Variants in MAP4K3 observed in about 807,000 individuals in gnomAD.
MAP4K3 encodes the protein mitogen-activated protein kinase kinase kinase kinase 3.
MAP4K3 carries 94 observed loss-of-function variants against 143.5 expected under a neutral mutation model. The observed-to-expected ratio is 0.65, with a 90% CI of 0.55 to 0.78. The LOEUF (loss-of-function observed/expected upper bound fraction) is 0.78. Among genes scored for constraint, MAP4K3 ranks in the 30% least tolerant of loss-of-function variants. MAP4K3 has a pLI of 0.00. For synonymous variants in MAP4K3, 416 were observed against 347.2 expected (o/e 1.20, Z -2.20); for missense variants, 1,077 against 1,068.1 (o/e 1.01, Z -0.12).
chr2:39,348,930 T>A (rs1665372899), intron 3 of MAP4K3, among the ~76,000 whole-genome samples: 1 of 152,136 alleles, frequency 6.6e-6, no homozygotes, highest in Non-Finnish European at 1.5e-5. Flanking sequence ...TAAGTATAAT[T>A]ATTTATATAT....
intron 24 of MAP4K3, among the ~76,000 whole-genome samples, chr2:39,277,792 C>G (rs190230577): frequency 4.4e-4 from 67 of 151,572 alleles, no homozygotes; most frequent in African/African-American, 1.5e-3. Flanking sequence ...TCTCGAACTC[C>G]TGACCTCAGG....
At chr2:39,319,804 T>G (rs551569993) in intron 12 of MAP4K3, among the ~76,000 whole-genome samples, 34 of 152,270 alleles carry the variant, frequency 2.2e-4, no homozygotes, top group Non-Finnish European at 4.1e-4. Flanking sequence ...TATGTAACCC[T>G]CTCTTGATTG....
At chr2:39,292,321 A>C (rs1682077166) in intron 18 of MAP4K3, among the ~76,000 whole-genome samples, 1 of 152,174 alleles carries the variant, frequency 6.6e-6, no homozygotes, top group Admixed American at 6.5e-5. Context: ...TTATATTTAG[A>C]GATGGGTTTT....
chr2:39,349,612 G>T (rs997928943), intron 3 of MAP4K3, among the ~76,000 whole-genome samples: 1 of 152,046 alleles, frequency 6.6e-6, no homozygotes, highest in African/African-American at 2.4e-5. Context: ...TAGTGAGAAG[G>T]CGGTTGGAGA....
At chr2:39,344,088 A>G (rs1230851617) in intron 3 of MAP4K3, among the ~76,000 whole-genome samples, 1 of 152,232 alleles carries the variant, frequency 6.6e-6, no homozygotes, top group African/African-American at 2.4e-5. Context: ...GAGATGGGAC[A>G]GAAAATCCCT....
chr2:39,305,733 G>T (rs1485533290), intron 15 of MAP4K3, among the ~76,000 whole-genome samples: 1 of 152,190 alleles, frequency 6.6e-6, no homozygotes, highest in Non-Finnish European at 1.5e-5. Flanking sequence ...GAGCAGGGAT[G>T]AAGGTGGGAG....
At chr2:39,293,886 A>C (rs574948243) in intron 16 of MAP4K3, 1 of 152,756 alleles carries the variant, frequency 6.5e-6, no homozygotes, top group African/African-American at 2.4e-5. Flanking sequence ...ACACATTTAC[A>C]CTTTTGGGAG....
intron 8 of MAP4K3, 72 bp downstream of exon 8, chr2:39,331,845 G>C: frequency 1.0e-6 from 1 of 1,001,106 alleles, no homozygotes; most frequent in Non-Finnish European, 1.4e-6. Context: ...ATTCTGACCA[G>C]TCTATTTTTT....
chr2:39,360,283 C>T (rs898469755), intron 2 of MAP4K3, among the ~76,000 whole-genome samples: 1 of 152,212 alleles, frequency 6.6e-6, no homozygotes, highest in African/African-American at 2.4e-5. Context: ...GGTTCCTCAT[C>T]TCCATCTGAC....
intron 1 of MAP4K3, among the ~76,000 whole-genome samples, chr2:39,414,784 G>A (rs1351722795): frequency 6.6e-6 from 1 of 152,004 alleles, no homozygotes; most frequent in East Asian, 1.9e-4. Flanking sequence ...TGCTGGGGCA[G>A]GAGAATCACT....
chr2:39,319,229 CTT>C (rs34371183), intron 12 of MAP4K3, among the ~76,000 whole-genome samples: 2 of 146,100 alleles, frequency 1.4e-5, no homozygotes, highest in Non-Finnish European at 3.0e-5. Flanking sequence ...CAATTACATA[CTT>C]TTTTTTTTTT....
chr2:39,325,371 C>A, intron 12 of MAP4K3, 147 bp downstream of exon 12: 1 of 485,648 alleles, frequency 2.1e-6, no homozygotes, highest in Non-Finnish European at 3.6e-6. Flanking sequence ...AAGGCAAAGA[C>A]AAAGAATTAA....
Position 39,267,363 on chromosome 2 carries a change from G to C in MAP4K3, c.1974-116C>G, listed in dbSNP as rs1573072442. Reference sequence around the variant, plus strand: ...GTTCAAAACTGGTGCTGACATACTAGCTCATCTATTAAAATTAGAATAAAA... The same window carrying C: ...GTTCAAAACTGGTGCTGACATACTACCTCATCTATTAAAATTAGAATAAAA... On this transcript the variant is annotated intron_variant, in intron 26 of 33. Coordinates refer to ENST00000263881, the MANE Select transcript of MAP4K3 (RefSeq NM_003618.4). The C allele has an allele frequency of 6.6e-6, 5 of 758,004 alleles. No homozygotes were observed. The East Asian group carries it at 1.3e-4, about 20-fold the overall frequency. The allele number at this position is 758,004 out of a possible 1,614,324, so 47.0% of individuals were successfully genotyped here.
chr2:39,338,234 C>A (rs1665035495), intron 4 of MAP4K3, among the ~76,000 whole-genome samples: 1 of 152,130 alleles, frequency 6.6e-6, no homozygotes, highest in Admixed American at 6.5e-5. Context: ...TCAATATCAT[C>A]TCTTAAACAT....
chr2:39,383,272 G>C (rs1666399728), intron 1 of MAP4K3, among the ~76,000 whole-genome samples: 2 of 152,110 alleles, frequency 1.3e-5, no homozygotes, highest in Admixed American at 1.3e-4. Flanking sequence ...AAGGCAAAAG[G>C]GGAAGCAAAC....
intron 31 of MAP4K3, among the ~76,000 whole-genome samples, chr2:39,257,626 C>T (rs1212431629): frequency 1.3e-5 from 2 of 151,706 alleles, no homozygotes; most frequent in Non-Finnish European, 2.9e-5. Flanking sequence ...TAGTGAAACC[C>T]CGTCTCTACT....
At chr2:39,375,921 T>C (rs947576017) in intron 2 of MAP4K3, among the ~76,000 whole-genome samples, 1 of 152,242 alleles carries the variant, frequency 6.6e-6, no homozygotes, top group African/African-American at 2.4e-5. Context: ...AACTTGTTTT[T>C]ATTGTTGAAT....
At chr2:39,386,043 C>T (rs560178692) in intron 1 of MAP4K3, among the ~76,000 whole-genome samples, 1 of 152,168 alleles carries the variant, frequency 6.6e-6, no homozygotes, top group Non-Finnish European at 1.5e-5. Flanking sequence ...GAAGTCCCAA[C>T]CCCCAGCACT....
At chr2:39,374,565 C>G (rs1484419344) in intron 2 of MAP4K3, among the ~76,000 whole-genome samples, 2 of 151,714 alleles carry the variant, frequency 1.3e-5, no homozygotes, top group African/African-American at 4.8e-5. Flanking sequence ...CCCTGTAATC[C>G]CAGCTACTCG....
Sources: allele counts gnomAD v4.1 joint callset (sites outside exome capture counted in the v4.1 genomes callset), GRCh38; gene constraint gnomAD v4.1.1; transcripts MANE v1.5; gene names NCBI Gene and HGNC (gene_info 2026-07-23, HGNC 2026-07-21).